Variants in PLCH2 observed in about 807,000 individuals in gnomAD.
PLCH2 encodes the protein 1-phosphatidylinositol 4,5-bisphosphate phosphodiesterase eta-2.
In PLCH2, 98 loss-of-function variants were observed where a neutral mutation model predicts 134.7. That is an observed-to-expected ratio of 0.73 (90% CI 0.62 to 0.86). The LOEUF (loss-of-function observed/expected upper bound fraction) is 0.86, where lower values mean the gene tolerates loss of function less well. Among genes scored for constraint, PLCH2 ranks in the 40% least tolerant of loss-of-function variants. The pLI is 0.00. For synonymous variants in PLCH2, 974 were observed against 827.5 expected (o/e 1.18, Z -3.04); for missense variants, 1,994 against 1,986.6 (o/e 1.00, Z -0.07).
upstream of PLCH2, among the ~76,000 whole-genome samples, chr1:2,473,521 G>A (rs1305242652): frequency 2.0e-5 from 3 of 152,220 alleles, no homozygotes; most frequent in Non-Finnish European, 1.5e-5. Flanking sequence ...CCAGACCCTT[G>A]AGAGCTGGAC....
intron 1 of PLCH2, among the ~76,000 whole-genome samples, chr1:2,467,860 C>G: frequency 6.6e-6 from 1 of 152,190 alleles, no homozygotes; most frequent in Non-Finnish European, 1.5e-5. Flanking sequence ...CTGCACATCC[C>G]TCAGACTCGG....
At chr1:2,461,651 AT>A (rs527242010) in intron 2 of PLCH2, among the ~76,000 whole-genome samples, 10 of 152,120 alleles carry the variant, frequency 6.6e-5, no homozygotes, top group Non-Finnish European at 1.2e-4. Flanking sequence ...TGGACACCCC[AT>A]CCCCATGCCT....
chr1:2,491,522 C>T (rs115996135), intron 11 of PLCH2, among the ~76,000 whole-genome samples, 187 bp downstream of exon 11: 2,945 of 152,332 alleles, frequency 0.019, 95 homozygotes, highest in African/African-American at 0.067. Context: ...CACCTACCAG[C>T]GGGGTCTCAA....
chr1:2,503,540 C>T (rs113594971), intron 21 of PLCH2: 11 of 682,156 alleles, frequency 1.6e-5, no homozygotes, highest in East Asian at 5.4e-5. Context: ...ACACGGAGCC[C>T]GCCCCACACC....
intron 2 of PLCH2, among the ~76,000 whole-genome samples, chr1:2,436,292 T>C (rs1223044248): frequency 1.0e-4 from 4 of 39,566 alleles, no homozygotes; most frequent in Admixed American, 2.8e-4. Flanking sequence ...TCCCTCCTCC[T>C]TTCCTCCTTC....
chr1:2,502,289 C>A lies in PLCH2; in HGVS notation c.2839C>A (p.Leu947Met). The change falls in exon 21 of 22, where the codon CTG becomes ATG. Residue 947 changes from leucine (L) to methionine (M), a missense_variant. Coordinates refer to ENST00000378486, the MANE Select transcript of PLCH2 (RefSeq NM_014638.4). ...GCCGGGCCGCAGGGGCTTCCCGGAG[C>A]TGGTCCTGGGTACACGGGACACAGG... ...QKPGRRGFPE[L>M]VLGTRDTGSK... 1 of 1,538,152 alleles carries A rather than the reference C, an allele frequency of 6.5e-7. No homozygotes were observed. Among genetic ancestry groups the A allele is most frequent in the South Asian group, 1.2e-5 (1 of 82,952 alleles).
intron 1 of PLCH2, among the ~76,000 whole-genome samples, chr1:2,469,266 A>T (rs961109107): frequency 1.3e-5 from 2 of 152,196 alleles, no homozygotes; most frequent in Non-Finnish European, 2.9e-5. Context: ...CCCAGGTTCC[A>T]GGAGACCCAG....
intron 2 of PLCH2, among the ~76,000 whole-genome samples, chr1:2,447,731 T>A (rs1432631414): frequency 1.2e-4 from 18 of 152,112 alleles, no homozygotes; most frequent in Admixed American, 1.2e-3. Context: ...CTGGCCTCAC[T>A]CCTCCCTGAT....
chr1:2,440,759 G>T (rs545150185), intron 2 of PLCH2, among the ~76,000 whole-genome samples: 14 of 152,352 alleles, frequency 9.2e-5, no homozygotes, highest in Admixed American at 2.0e-4. Flanking sequence ...TCAGGATGGA[G>T]ATTTCTTTCA....
At position 2,496,709 on chromosome 1, in the gene PLCH2, G is replaced by A. The variant is rs1356000028; in HGVS notation, c.1933+5G>A. 6.2e-7 allele frequency: 1 copy of A among 1,610,104 alleles called. No homozygotes were observed. The highest frequency in any genetic ancestry group is 8.5e-7 in the Non-Finnish European group (1 of 1,178,840). ...CCCACGACATAGAGATGGAGGGTGA[G>A]TGGCTCGGGGACCTGGGGCCACGGG... On this transcript the variant is annotated splice_donor_5th_base_variant and intron_variant, in intron 14 of 21. Coordinates refer to ENST00000378486, the MANE Select transcript of PLCH2 (RefSeq NM_014638.4).
At chr1:2,452,338 A>G (rs897169277) in intron 2 of PLCH2, among the ~76,000 whole-genome samples, 6 of 152,044 alleles carry the variant, frequency 3.9e-5, no homozygotes, top group Non-Finnish European at 7.4e-5. Flanking sequence ...CCGTGGAAGT[A>G]TTTCATCTTG....
rs750970859 is a variant in PLCH2 at position 2,491,257 on chromosome 1, G to A, written c.1581G>A (p.Glu527=). Residue 527 remains glutamate, a synonymous_variant, in exon 11 of 22, where the codon GAG becomes GAA. Coordinates refer to ENST00000378486, the MANE Select transcript of PLCH2 (RefSeq NM_014638.4). ...GGAAACTGGATTCCCTCATCAAAGA[G>A]TCGAAGATTCGGGACTGTGAGGACC... ...AKRKLDSLIK[E]SKIRDCEDPN... 21 of 1,613,366 alleles carry A rather than the reference G, an allele frequency of 1.3e-5. No individual in the cohort carries two copies. Among genetic ancestry groups the A allele is most frequent in the Non-Finnish European group, 1.7e-5 (20 of 1,179,854 alleles).
At position 2,496,803 on chromosome 1, in the gene PLCH2, T is replaced by C. The variant is rs777064670; in HGVS notation, c.1934-25T>C. The stretch of plus-strand genomic sequence containing the variant: ...CGGGCGAGGTCGAGGACTGGCAGTC[T>C]GATGCCCGGTCACCGGCGCCACAGC... On this transcript the variant is annotated intron_variant, in intron 14 of 21. Transcript: ENST00000378486. 2.5e-4 allele frequency: 402 copies of C among 1,610,362 alleles called. 1 individual carries two copies. Among genetic ancestry groups the C allele is most frequent in the Non-Finnish European group, 3.0e-5 (35 of 1,177,940 alleles).
chr1:2,490,065 C>G (rs1642489603), intron 10 of PLCH2, among the ~76,000 whole-genome samples, 198 bp downstream of exon 10: 1 of 150,276 alleles, frequency 6.7e-6, no homozygotes, highest in South Asian at 2.1e-4. Context: ...GCAGGCCTGC[C>G]TCTTCCCAGT....
rs757487973 is a variant in PLCH2, at chr1:2,497,625, ACTCAGGGCTCGGACG to A, written c.2224+30_2224+44del. On this transcript the variant is annotated intron_variant, in intron 16 of 21. Coordinates refer to ENST00000378486, the MANE Select transcript of PLCH2 (RefSeq NM_014638.4). ...ATGTGCCAGGGTGAGGCACTCGGACACTCAGGGCTCGGACGCTCAGGGCTCGGATGGGCCTCCTGG... is the reference window on the plus strand; with the variant it reads ...ATGTGCCAGGGTGAGGCACTCGGACACTCAGGGCTCGGATGGGCCTCCTGG... 8.5e-6 allele frequency: 13 copies of A among 1,520,652 alleles called. No homozygotes were observed. Among genetic ancestry groups the A allele is most frequent in the African/African-American group, 1.4e-5 (1 of 72,482 alleles). The allele number at this position is 1,520,652 out of a possible 1,614,324, so 94.2% of individuals were successfully genotyped here. A position where few individuals can be genotyped will look rare whatever the true frequency, so the allele number is the denominator to read the frequency against.
chr1:2,505,275 G>C lies in PLCH2; in HGVS notation c.*62G>C. The C allele has an allele frequency of 7.4e-7, 1 of 1,349,260 alleles. No homozygotes were observed. Among genetic ancestry groups the C allele is most frequent in the Non-Finnish European group, 1.0e-6 (1 of 992,840 alleles). The allele number at this position is 1,349,260 out of a possible 1,614,324, so 83.6% of individuals were successfully genotyped here. On this transcript the variant is annotated 3_prime_UTR_variant, in exon 22 of 22. Coordinates refer to ENST00000378486, the MANE Select transcript of PLCH2 (RefSeq NM_014638.4). ...CAGGGCAGGGGTGGGCGTGTTGTTT[G>C]CTCAGGAAACAGGGCAGCCAGGCCC...
intron 1 of PLCH2, 24 bp downstream of exon 1, chr1:2,476,736 C>G: frequency 1.3e-6 from 2 of 1,586,140 alleles, no homozygotes; most frequent in Non-Finnish European, 1.7e-6. Flanking sequence ...GGCGAGTGGC[C>G]TGGGCTGAGT....
chr1:2,500,087 C>T (rs981495427), intron 20 of PLCH2: 2 of 321,178 alleles, frequency 6.2e-6, no homozygotes, highest in Non-Finnish European at 1.2e-5. Context: ...TGATGCCCCT[C>T]TCCCCTCTAC....
intron 2 of PLCH2, among the ~76,000 whole-genome samples, chr1:2,434,575 T>G (rs1639234572): frequency 6.6e-6 from 1 of 152,096 alleles, no homozygotes; most frequent in Non-Finnish European, 1.5e-5. Flanking sequence ...TGACTCTCCT[T>G]TGAGATGCAG....
Sources: allele counts gnomAD v4.1 joint callset (sites outside exome capture counted in the v4.1 genomes callset), GRCh38; gene constraint gnomAD v4.1.1; transcripts MANE v1.5; gene names NCBI Gene and HGNC (gene_info 2026-07-23, HGNC 2026-07-21).